RYR1: variants seen among roughly 807,000 people sequenced by gnomAD.
The protein encoded by RYR1 is ryanodine receptor 1.
In RYR1, 342 loss-of-function variants were observed where a neutral mutation model predicts 583.5. The ratio of observed to expected loss-of-function variants is 0.59; its 90% CI spans 0.54 to 0.64. RYR1 has a LOEUF of 0.64. RYR1 is among the 30% of genes least tolerant of loss of function. The pLI, the probability that RYR1 is intolerant of heterozygous loss-of-function variation, is 0.00. For missense variants in RYR1, 6,032 were observed against 6,917.2 expected (o/e 0.87, Z 4.54); for synonymous variants, 2,791 against 2,822.5 (o/e 0.99, Z 0.35).
rs1455973513 is a variant in RYR1 at position 38,537,969 on chromosome 19, G to A, written c.11689+9G>A. On this transcript the variant is annotated intron_variant, in intron 84 of 105. Transcript: ENST00000359596. ...TGAGGGGCACAATAATGGTGAGGAG[G>A]AGGGGTGTGGGGTGGAGGGGAAGCC... 3 of 1,564,860 alleles carry A rather than the reference G, an allele frequency of 1.9e-6. No individual in the cohort carries two copies. Among genetic ancestry groups the A allele is most frequent in the Admixed American group, 3.4e-5 (2 of 59,510 alleles).
At chr19:38,578,290 G>T in intron 99 of RYR1, 86 bp downstream of exon 99, 1 of 1,396,638 alleles carries the variant, frequency 7.2e-7, no homozygotes. Context: ...CCTGACCAAA[G>T]AATGACTCCT....
chr19:38,463,898 G>T (rs746541318), intron 22 of RYR1, 48 bp downstream of exon 22: 1 of 1,363,438 alleles, frequency 7.3e-7, no homozygotes, highest in Non-Finnish European at 1.0e-6. Flanking sequence ...CTGGTGCGGT[G>T]GGGGAGGGAG....
At chr19:38,506,750 C>G in intron 56 of RYR1, 79 bp from the exon 57 acceptor site, 1 of 1,602,688 alleles carries the variant, frequency 6.2e-7, no homozygotes, top group Middle Eastern at 1.7e-4. Flanking sequence ...TTACGCATGC[C>G]GGGCACTGCA....
At chr19:38,556,845 T>G (rs965966657) in intron 89 of RYR1, among the ~76,000 whole-genome samples, 2 of 152,148 alleles carry the variant, frequency 1.3e-5, no homozygotes, top group African/African-American at 4.8e-5. Flanking sequence ...CTGTGTCCCC[T>G]GGGTTTCCTC....
chr19:38,460,627 A>G (rs1450849502), intron 20 of RYR1, 36 bp downstream of exon 20: 1 of 1,575,680 alleles, frequency 6.3e-7, no homozygotes. Flanking sequence ...CTGGCGAGGC[A>G]GGGTCTCTTA....
chr19:38,574,036 C>T (rs1973845558), intron 96 of RYR1, among the ~76,000 whole-genome samples: 1 of 151,888 alleles, frequency 6.6e-6, no homozygotes, highest in African/African-American at 2.4e-5. Context: ...GTCAGGAGTT[C>T]GAGACCAGCC....
intron 94 of RYR1, 120 bp downstream of exon 94, chr19:38,570,813 T>A: frequency 1.1e-6 from 1 of 884,188 alleles, no homozygotes; most frequent in Non-Finnish European, 1.9e-6. Context: ...GGGCTTTGGG[T>A]CGTTAGGAGG....
In RYR1 at chr19:38,561,764, G is replaced by A. The variant is rs1004098516; in HGVS notation, c.12624+310G>A. On this transcript the variant is annotated intron_variant, in intron 90 of 105. Transcript: ENST00000359596. This position sits in a 1 kb window ranked among gnomAD's most constrained non-coding sequence, Gnocchi z 4.8. ...TGCTTTCCCCTTACACCCACACCCT[G>A]GGAGCTCTGGCAGGCCCTTATAGCC... 6.6e-6 allele frequency among the ~76,000 whole-genome samples: 1 copy of A among 152,082 alleles called. No homozygotes were observed. The highest frequency in any genetic ancestry group is 2.4e-5 in the African/African-American group (1 of 41,418).
In RYR1 at chr19:38,512,169, A is replaced by G. The variant is rs747707828; in HGVS notation, c.9233+37A>G. On this transcript the variant is annotated intron_variant, in intron 62 of 105. Transcript: ENST00000359596. This position sits in a 1 kb window ranked among gnomAD's most constrained non-coding sequence, Gnocchi z 5.1. Reference sequence around the variant, plus strand: ...GGCAGTGGCGCCCACTCCCACCATCATCGGGCCCCCACCCCAACCCCTGGT... The same window carrying G: ...GGCAGTGGCGCCCACTCCCACCATCGTCGGGCCCCCACCCCAACCCCTGGT... 6 of 1,613,618 alleles carry G rather than the reference A, an allele frequency of 3.7e-6. No homozygotes were observed. The highest frequency in any genetic ancestry group is 5.1e-6 in the Non-Finnish European group (6 of 1,179,720).
chr19:38,530,460 G>A (rs1455326693), intron 76 of RYR1, among the ~76,000 whole-genome samples: 1 of 150,682 alleles, frequency 6.6e-6, no homozygotes, highest in African/African-American at 2.4e-5. Flanking sequence ...GTAGAGATGG[G>A]GGTCTCACTA....
intron 65 of RYR1, 49 bp from the exon 66 acceptor site, chr19:38,517,310 G>A (rs371138890): frequency 2.5e-6 from 4 of 1,592,068 alleles, no homozygotes; most frequent in South Asian, 2.2e-5. Flanking sequence ...GGGCACTGAG[G>A]TCTGGGGGTG....
At position 38,448,466 on chromosome 19, in the gene RYR1, C is replaced by T; in HGVS notation, c.912C>T (p.Ser304=). ...EDQGLVVVDA[S]KAHTKATSFC... ...AGGGCCTGGTGGTGGTTGACGCCAG[C>T]AAGGCTCACACCAAGGCTACCTCCT... The change falls in exon 10 of 106, where the codon AGC becomes AGT. Residue 304 remains serine (S), a synonymous_variant. Coordinates refer to ENST00000359596, the MANE Select transcript of RYR1 (RefSeq NM_000540.3). The T allele has an allele frequency of 2.5e-6, 4 of 1,613,992 alleles. No homozygotes were observed. Among genetic ancestry groups the T allele is most frequent in the Non-Finnish European group, 3.4e-6 (4 of 1,180,014 alleles).
At chr19:38,541,530 A>G (rs767981971) in intron 84 of RYR1, among the ~76,000 whole-genome samples, 1 of 152,134 alleles carries the variant, frequency 6.6e-6, no homozygotes, top group Non-Finnish European at 1.5e-5. Flanking sequence ...CCTGTCCAAT[A>G]TGGTGAAACC....
At chr19:38,515,796 A>T (rs1970941424) in intron 64 of RYR1, among the ~76,000 whole-genome samples, 1 of 152,050 alleles carries the variant, frequency 6.6e-6, no homozygotes, top group Non-Finnish European at 1.5e-5. Context: ...AAAACTAGCT[A>T]GGCATGGTAT....
Position 38,516,192 on chromosome 19 carries a change from C to A in RYR1, c.9660C>A (p.Thr3220=), listed in dbSNP as rs767799000. 3.2e-6 allele frequency: 5 copies of A among 1,578,348 alleles called. No homozygotes were observed. The East Asian group carries it at 1.2e-4, about 37-fold the overall frequency. The change falls in exon 65 of 106, where the codon ACC becomes ACA. Residue 3220 remains threonine, a synonymous_variant. Transcript: ENST00000359596. ...AGTACAACGCCTGCTCCGTGTACAC[C>A]ACCAAGTCTCCGCGGGAGCGGGCCA... is the stretch of plus-strand genomic sequence containing the variant. ...LNEYNACSVY[T]TKSPRERAIL... is the part of the protein sequence containing the mutation.
In RYR1 at chr19:38,516,165, C is replaced by T. The variant is rs978984063; in HGVS notation, c.9633C>T (p.Asn3211=). Residue 3211 remains asparagine (N), a synonymous_variant, in exon 65 of 106, where the codon AAC becomes AAT. Transcript: ENST00000359596. ...MPVAFLEPQL[N]EYNACSVYTT... is the part of the protein sequence containing the mutation. Reference sequence around the variant, plus strand: ...TGGCGTTCCTGGAGCCGCAGCTGAACGAGTACAACGCCTGCTCCGTGTACA... The same window carrying T: ...TGGCGTTCCTGGAGCCGCAGCTGAATGAGTACAACGCCTGCTCCGTGTACA... The T allele has an allele frequency of 3.8e-6, 6 of 1,562,022 alleles. No individual in the cohort carries two copies. The highest frequency in any genetic ancestry group is 2.4e-5 in the East Asian group (1 of 41,922).
At chr19:38,507,105 T>C (rs1387112264) in intron 57 of RYR1, among the ~76,000 whole-genome samples, 153 bp downstream of exon 57, 2 of 143,868 alleles carry the variant, frequency 1.4e-5, no homozygotes, top group African/African-American at 2.6e-5. Context: ...GAGTGGGGCC[T>C]GGACACAGAG....
At chr19:38,504,978 TCTG>T in intron 51 of RYR1, 22 bp from the exon 52 acceptor site, 2 of 1,614,072 alleles carry the variant, frequency 1.2e-6, no homozygotes, top group South Asian at 1.1e-5. Flanking sequence ...AGCTCCAACA[TCTG>T]CTGACCCTGT....
intron 57 of RYR1, among the ~76,000 whole-genome samples, 165 bp downstream of exon 57, chr19:38,507,117 C>T (rs544591277): frequency 7.0e-4 from 103 of 146,562 alleles, no homozygotes; most frequent in Admixed American, 2.0e-3. Context: ...GACACAGAGG[C>T]GGGGCCAGAT....
Sources: gnomAD v4.1 joint callset for allele counts (sites outside exome capture counted in the v4.1 genomes callset) on GRCh38, gnomAD v4.1.1 for gene constraint, Gnocchi (gnomAD v3.1) non-coding constraint, MANE v1.5 for transcripts, NCBI Gene and HGNC (gene_info 2026-07-23, HGNC 2026-07-21) for gene names.